The following TAFA4 variants were observed in gnomAD, a reference collection of about 807,000 sequenced individuals.
TAFA4 encodes TAFA chemokine like family member 4.
A neutral mutation model predicts 21.1 loss-of-function variants in TAFA4; 20 were observed. The ratio of observed to expected loss-of-function variants is 0.95; its 90% CI spans 0.67 to 1.38. TAFA4 has a LOEUF of 1.38. TAFA4 is among the 40% of genes most tolerant of loss of function. The pLI is 0.00. For synonymous variants in TAFA4, 71 were observed against 67.4 expected (o/e 1.05, Z -0.26); for missense variants, 211 against 180.9 (o/e 1.17, Z -0.95).
At chr3:68,861,041 G>A (rs907728410) in intron 3 of TAFA4, among the ~76,000 whole-genome samples, 37 of 61,374 alleles carry the variant, frequency 6.0e-4, no homozygotes, top group East Asian at 4.9e-3. Context: ...CCCCCCCCCC[G>A]CCCCCACGAC....
intron 3 of TAFA4, among the ~76,000 whole-genome samples, chr3:68,757,851 C>T (rs932711282): frequency 6.6e-6 from 1 of 152,148 alleles, no homozygotes; most frequent in Admixed American, 6.6e-5. Flanking sequence ...CTTAGGAATA[C>T]ACATTATAGT....
intron 3 of TAFA4, among the ~76,000 whole-genome samples, chr3:68,783,699 G>A (rs894785772): frequency 0.02 from 1,749 of 89,362 alleles, 22 homozygotes; most frequent in East Asian, 0.076. Flanking sequence ...GAGAGAGAGA[G>A]AGAGAGAGAA....
At chr3:68,896,540 G>A (rs2089790701) in intron 1 of TAFA4, among the ~76,000 whole-genome samples, 1 of 152,184 alleles carries the variant, frequency 6.6e-6, no homozygotes, top group South Asian at 2.1e-4. Context: ...ATATGCCATT[G>A]GTTTTTTAAC....
intron 3 of TAFA4, among the ~76,000 whole-genome samples, chr3:68,877,229 G>A (rs2089560048): frequency 3.3e-5 from 5 of 152,010 alleles, no homozygotes; most frequent in Admixed American, 3.3e-4. Flanking sequence ...CGCTGTGGTA[G>A]GCGCCTATAA....
intron 3 of TAFA4, among the ~76,000 whole-genome samples, chr3:68,779,598 G>A (rs1280745161): frequency 6.6e-6 from 1 of 152,184 alleles, no homozygotes; most frequent in Non-Finnish European, 1.5e-5. Context: ...TGCTTCAGAG[G>A]GTTGAAGCCC....
At chr3:68,837,327 A>G (rs1272435702) in intron 3 of TAFA4, among the ~76,000 whole-genome samples, 1 of 152,184 alleles carries the variant, frequency 6.6e-6, no homozygotes, top group Non-Finnish European at 1.5e-5. Flanking sequence ...CATTTTAACA[A>G]GATACCCAGG....
chr3:68,927,723 ACT>A (rs1356477217), intron 1 of TAFA4, among the ~76,000 whole-genome samples: 1 of 151,748 alleles, frequency 6.6e-6, no homozygotes, highest in Non-Finnish European at 1.5e-5. Flanking sequence ...ACATGCTGAG[ACT>A]CTGTCTCTAG....
chr3:68,741,645 G>A (rs1229504216), intron 4 of TAFA4, among the ~76,000 whole-genome samples: 1 of 151,898 alleles, frequency 6.6e-6, no homozygotes, highest in Non-Finnish European at 1.5e-5. Context: ...ATAAAAAAAA[G>A]CCAGGCGTGG....
intron 1 of TAFA4, among the ~76,000 whole-genome samples, chr3:68,914,668 TGTA>T (rs1402810967): frequency 3.9e-5 from 6 of 152,282 alleles, no homozygotes; most frequent in Non-Finnish European, 7.3e-5. Context: ...TAATAAATAA[TGTA>T]GTAAAAAAAC....
At chr3:68,902,048 A>G (rs908065110) in intron 1 of TAFA4, among the ~76,000 whole-genome samples, 5 of 152,234 alleles carry the variant, frequency 3.3e-5, no homozygotes, top group African/African-American at 1.2e-4. Flanking sequence ...TCATTTCTAG[A>G]GCCTATATAA....
chr3:68,864,196 G>A (rs1021666882), intron 3 of TAFA4, among the ~76,000 whole-genome samples: 2 of 152,050 alleles, frequency 1.3e-5, no homozygotes, highest in South Asian at 4.1e-4. Flanking sequence ...TTGCAGTTTG[G>A]TTATTTGATA....
intron 3 of TAFA4, among the ~76,000 whole-genome samples, chr3:68,822,911 A>G (rs1396778914): frequency 2.0e-5 from 3 of 152,234 alleles, no homozygotes; most frequent in Non-Finnish European, 2.9e-5. Flanking sequence ...TGCTTTACAA[A>G]TAACATTCCA....
At chr3:68,856,475 A>G (rs13316447) in intron 3 of TAFA4, among the ~76,000 whole-genome samples, 43,093 of 151,992 alleles carry the variant, frequency 0.28, 6,702 homozygotes, top group Non-Finnish European at 0.36. Flanking sequence ...TCCCTCTTAG[A>G]AAAGACTTCC....
At chr3:68,747,360 A>G (rs191341606) in intron 4 of TAFA4, among the ~76,000 whole-genome samples, 5 of 152,156 alleles carry the variant, frequency 3.3e-5, no homozygotes, top group Admixed American at 2.0e-4. Flanking sequence ...GACCTGGTGC[A>G]AGGTATTTGA....
At chr3:68,904,516 T>C (rs892249346) in intron 1 of TAFA4, among the ~76,000 whole-genome samples, 1 of 152,228 alleles carries the variant, frequency 6.6e-6, no homozygotes, top group South Asian at 2.1e-4. Context: ...CCAATTTATA[T>C]TGCAAGTGTC....
intron 3 of TAFA4, among the ~76,000 whole-genome samples, chr3:68,754,862 G>C (rs943434662): frequency 6.6e-6 from 1 of 152,154 alleles, no homozygotes; most frequent in East Asian, 1.9e-4. Context: ...ATCTAGGCAG[G>C]AGGAGCTGTG....
intron 1 of TAFA4, among the ~76,000 whole-genome samples, chr3:68,922,533 T>C (rs111310946): frequency 0.011 from 1,687 of 152,310 alleles, 30 homozygotes; most frequent in African/African-American, 0.038. Flanking sequence ...TCTAAGTAAA[T>C]GAGGATCATG....
chr3:68,807,560 C>A (rs906724564), intron 3 of TAFA4, among the ~76,000 whole-genome samples: 5 of 135,272 alleles, frequency 3.7e-5, no homozygotes, highest in African/African-American at 1.6e-4. Flanking sequence ...CTTCACTACT[C>A]TTAATGATCT....
chr3:68,911,919 C>A (rs2089964752), intron 1 of TAFA4, among the ~76,000 whole-genome samples: 1 of 152,146 alleles, frequency 6.6e-6, no homozygotes, highest in Non-Finnish European at 1.5e-5. Flanking sequence ...GCTGGGAAAT[C>A]ATTTCAATTC....
Sources: gnomAD v4.1 joint callset for allele counts (sites outside exome capture counted in the v4.1 genomes callset) on GRCh38, gnomAD v4.1.1 for gene constraint, MANE v1.5 for transcripts, NCBI Gene and HGNC (gene_info 2026-07-23, HGNC 2026-07-21) for gene names.